The following EXOC1 variants were observed in gnomAD, a reference collection of about 807,000 sequenced individuals.
EXOC1 encodes the protein SEC3-like 1.
In EXOC1, 67 loss-of-function variants were observed where a neutral mutation model predicts 107.7. That is an observed-to-expected ratio of 0.62 (90% CI 0.51 to 0.76). The LOEUF is 0.76. EXOC1 is among the 30% of genes least tolerant of loss of function. The probability of loss-of-function intolerance (pLI) is 0.00; values close to 1 mark genes in which losing one functional copy is unlikely to be tolerated. For synonymous variants in EXOC1, 348 were observed against 353.5 expected (o/e 0.98, Z 0.17); for missense variants, 833 against 1,055.7 (o/e 0.79, Z 2.92).
chr4:55,901,769 A>G (rs1220391013), intron 17 of EXOC1, among the ~76,000 whole-genome samples: 1 of 152,150 alleles, frequency 6.6e-6, no homozygotes, highest in Non-Finnish European at 1.5e-5. Context: ...ACAGAAATAT[A>G]AATTGGTTGA....
At chr4:55,879,885 G>A (rs1343975852) in intron 9 of EXOC1, among the ~76,000 whole-genome samples, 1 of 152,070 alleles carries the variant, frequency 6.6e-6, no homozygotes, top group South Asian at 2.1e-4. Context: ...TGCATAAGCT[G>A]TGTTAATAAT....
At position 55,877,463 on chromosome 4, in the gene EXOC1, C is replaced by CT. The variant is rs1026372935; in HGVS notation, c.1075-446dup. On this transcript the variant is annotated intron_variant, in intron 8 of 18. Coordinates refer to ENST00000381295, the MANE Select transcript of EXOC1 (RefSeq NM_001024924.2). Reference sequence around the variant, plus strand: ...CCAAGCTCTAAGACTTTATATTCTACTTTTTTTTATCTGTTGTTTTAAATA... The same window carrying CT: ...CCAAGCTCTAAGACTTTATATTCTACTTTTTTTTTATCTGTTGTTTTAAATA... 5.1e-4 allele frequency: 502 copies of CT among 984,878 alleles called. 3 individuals are homozygous for CT. In the African/African-American group the frequency reaches 6.6e-3, roughly 13 times the overall value. The allele number at this position is 984,878 out of a possible 1,614,324, so 61.0% of individuals were successfully genotyped here. A position where few individuals can be genotyped will look rare whatever the true frequency, so the allele number is the denominator to read the frequency against.
chr4:55,877,565 T>C (rs757870950), intron 8 of EXOC1: 5 of 985,290 alleles, frequency 5.1e-6, no homozygotes, highest in Non-Finnish European at 6.0e-6. Context: ...TAATTCAAGC[T>C]ATATCAAGAA....
intron 9 of EXOC1, among the ~76,000 whole-genome samples, chr4:55,878,606 A>G (rs536693005): frequency 6.6e-6 from 1 of 152,314 alleles, no homozygotes; most frequent in South Asian, 2.1e-4. Context: ...ATAGACAAGG[A>G]AAATCTCTGT....
Position 55,871,229 on chromosome 4 carries a change from A to T in EXOC1, c.960A>T (p.Arg320=), listed in dbSNP as rs1379688783. ...ALLQCMNVAL[R]PGHDLLLAVK... ...TGCAGTGCATGAATGTAGCTCTTCG[A>T]CCAGGTATGTTCATTAGAAATGACA... is the stretch of plus-strand genomic sequence containing the variant. Residue 320 remains arginine, a synonymous_variant, in exon 7 of 19, where the codon CGA becomes CGT. Coordinates refer to ENST00000381295, the MANE Select transcript of EXOC1 (RefSeq NM_001024924.2). 6.2e-7 allele frequency: 1 copy of T among 1,612,280 alleles called. No homozygotes were observed. The highest frequency in any genetic ancestry group is 8.5e-7 in the Non-Finnish European group (1 of 1,178,712).
intron 9 of EXOC1, among the ~76,000 whole-genome samples, chr4:55,881,781 G>C (rs1483973322): frequency 1.3e-5 from 2 of 152,164 alleles, no homozygotes; most frequent in Non-Finnish European, 2.9e-5. Context: ...GAATAGAAAG[G>C]GAGGCAGATT....
intron 1 of EXOC1, among the ~76,000 whole-genome samples, chr4:55,856,292 A>T (rs770995113): frequency 6.6e-6 from 1 of 152,212 alleles, no homozygotes; most frequent in Non-Finnish European, 1.5e-5. Flanking sequence ...GGGTGAAATA[A>T]TTGTAGGGGA....
intron 8 of EXOC1, among the ~76,000 whole-genome samples, chr4:55,873,038 A>G (rs559764482): frequency 2.6e-5 from 4 of 152,118 alleles, no homozygotes; most frequent in African/African-American, 9.6e-5. Flanking sequence ...TTTTCACTCC[A>G]TTTAGTAATA....
intron 17 of EXOC1, among the ~76,000 whole-genome samples, chr4:55,901,179 A>T (rs17086142): frequency 0.017 from 2,609 of 152,318 alleles, 61 homozygotes; most frequent in African/African-American, 0.054. Context: ...AGAGATATGG[A>T]AAACAGAGAC....
intron 17 of EXOC1, among the ~76,000 whole-genome samples, chr4:55,901,506 C>T (rs2702345): frequency 1 from 151,967 of 152,122 alleles, 75,906 homozygotes; most frequent in Middle Eastern, 1. Flanking sequence ...ATAATAGTTA[C>T]AATAATATAA....
chr4:55,885,987 A>T (rs61260672), intron 10 of EXOC1, among the ~76,000 whole-genome samples: 21,096 of 152,096 alleles, frequency 0.14, 1,838 homozygotes, highest in East Asian at 0.48. Context: ...TTTATTTTAC[A>T]GTAGTTTGAA....
At chr4:55,894,614 CTTTTTTTTTT>C (rs772700227) in intron 15 of EXOC1, among the ~76,000 whole-genome samples, 1 of 76,116 alleles carries the variant, frequency 1.3e-5, no homozygotes, top group East Asian at 4.7e-4. Context: ...CTATCTGTTA[CTTTTTTTTTT>C]TTTTTTTTTT....
intron 10 of EXOC1, among the ~76,000 whole-genome samples, chr4:55,888,039 T>C (rs998718048): frequency 6.6e-6 from 1 of 152,240 alleles, no homozygotes; most frequent in Non-Finnish European, 1.5e-5. Flanking sequence ...GTTTTAAAGA[T>C]ATTTTTAGGT....
chr4:55,887,743 G>T (rs1724066259), intron 10 of EXOC1, among the ~76,000 whole-genome samples: 1 of 151,216 alleles, frequency 6.6e-6, no homozygotes, highest in South Asian at 2.1e-4. Context: ...AAAAAAAAAG[G>T]AAACCATATA....
In EXOC1 at chr4:55,888,949, TA is replaced by T. The variant is rs760723139; in HGVS notation, c.1375+18del. On this transcript the variant is annotated intron_variant, in intron 11 of 18. Transcript: ENST00000381295. ...AAACAGAGAGTGAGTATGCTTAGTG[TA>T]TTAGTAGGTATTCTCAATGCATGTT... The T allele has an allele frequency of 2.5e-5, 41 of 1,610,990 alleles. No homozygotes were observed. The highest frequency in any genetic ancestry group is 3.3e-5 in the Non-Finnish European group (39 of 1,177,588).
intron 10 of EXOC1, 44 bp downstream of exon 10, chr4:55,883,972 G>A (rs748512340): frequency 7.3e-7 from 1 of 1,366,540 alleles, no homozygotes; most frequent in Non-Finnish European, 1.0e-6. Context: ...ATTAAAAATG[G>A]CTTTATTTAT....
rs537564106 is a variant in EXOC1, at chr4:55,888,785, T to C, written c.1331-103T>C. The C allele has an allele frequency of 6.9e-5, 80 of 1,151,994 alleles. No individual in the cohort carries two copies. In the Admixed American group the frequency reaches 1.5e-3, roughly 21 times the overall value. The allele number at this position is 1,151,994 out of a possible 1,614,324, so 71.4% of individuals were successfully genotyped here. A position where few individuals can be genotyped will look rare whatever the true frequency, so the allele number is the denominator to read the frequency against. On this transcript the variant is annotated intron_variant, in intron 10 of 18. Transcript: ENST00000381295. ...TGATGCTCATGGTTCTTTGCATGTG[T>C]CTTTTAAACTAGAGCTTTAACTTCC...
At chr4:55,859,999 C>T (rs533518869) in intron 2 of EXOC1, among the ~76,000 whole-genome samples, 2 of 152,114 alleles carry the variant, frequency 1.3e-5, no homozygotes, top group East Asian at 1.9e-4. Context: ...GTGGGCAGAT[C>T]GCTGGAGCCC....
chr4:55,871,751 T>G, intron 7 of EXOC1, 98 bp from the exon 8 acceptor site: 1 of 1,034,516 alleles, frequency 9.7e-7, no homozygotes, highest in Non-Finnish European at 1.4e-6. Flanking sequence ...ATAAAACTTT[T>G]GGGTTCTTCA....
Sources: allele counts gnomAD v4.1 joint callset (sites outside exome capture counted in the v4.1 genomes callset), GRCh38; gene constraint gnomAD v4.1.1; transcripts MANE v1.5; gene names NCBI Gene and HGNC (gene_info 2026-07-23, HGNC 2026-07-21).